The following STEAP1B variants were observed in gnomAD, a reference collection of about 807,000 sequenced individuals.
STEAP1B encodes STEAP family protein MGC87042.
A neutral mutation model predicts 27.9 loss-of-function variants in STEAP1B; 13 were observed. The ratio of observed to expected loss-of-function variants is 0.47; its 90% CI spans 0.30 to 0.74. The LOEUF (loss-of-function observed/expected upper bound fraction) is 0.74, where lower values mean the gene tolerates loss of function less well. Among genes scored for constraint, STEAP1B ranks in the 30% least tolerant of loss-of-function variants. The pLI is 0.06. For synonymous variants in STEAP1B, 86 were observed against 107.1 expected (o/e 0.80, Z 1.22); for missense variants, 250 against 298.7 (o/e 0.84, Z 1.20).
chr7:22,430,669 A>G (rs1461356647), intron 4 of STEAP1B, among the ~76,000 whole-genome samples: 1 of 152,166 alleles, frequency 6.6e-6, no homozygotes, highest in Non-Finnish European at 1.5e-5. Flanking sequence ...ACACAGCCCC[A>G]TGGTTTTACC....
intron 4 of STEAP1B, among the ~76,000 whole-genome samples, chr7:22,446,236 T>A (rs1785407514): frequency 6.6e-6 from 1 of 152,202 alleles, no homozygotes; most frequent in African/African-American, 2.4e-5. Flanking sequence ...AGATCCCCGG[T>A]CCCTACCCTC....
At chr7:22,483,044 G>C (rs1235253138) in intron 4 of STEAP1B, among the ~76,000 whole-genome samples, 4 of 152,178 alleles carry the variant, frequency 2.6e-5, no homozygotes, top group East Asian at 3.8e-4. Flanking sequence ...GTATTTCTGA[G>C]AGCTGGATGG....
In STEAP1B at chr7:22,493,514, G is replaced by C. The variant is rs781197565; in HGVS notation, c.407C>G (p.Ala136Gly). 4.6e-5 allele frequency: 75 copies of C among 1,613,702 alleles called. No homozygotes were observed. Among genetic ancestry groups the C allele is most frequent in the Non-Finnish European group, 6.2e-5 (73 of 1,179,814 alleles). The change falls in exon 3 of 5, where the codon GCA becomes GGA. Residue 136 changes from alanine to glycine, a missense_variant. Coordinates refer to ENST00000678116, the MANE Select transcript of STEAP1B (RefSeq NM_001382447.1). ...TCCATTATGAACTTGGACAATTGCTGCTATCACACCTGGTAGGTAAACCAA... is the reference window on the plus strand; with the variant it reads ...TCCATTATGAACTTGGACAATTGCTCCTATCACACCTGGTAGGTAAACCAA... ...LALVYLPGVI[A>G]AIVQVHNGTK...
At chr7:22,488,228 G>A (rs1786250260) in intron 4 of STEAP1B, among the ~76,000 whole-genome samples, 2 of 152,200 alleles carry the variant, frequency 1.3e-5, no homozygotes, top group South Asian at 4.1e-4. Flanking sequence ...GGCACATGCT[G>A]TTTCCTCTTC....
intron 4 of STEAP1B, among the ~76,000 whole-genome samples, chr7:22,487,789 G>C (rs1248533889): frequency 1.1e-5 from 1 of 89,124 alleles, no homozygotes; most frequent in Non-Finnish European, 2.1e-5. Flanking sequence ...TAGGCAACAA[G>C]AGCAAAACTC....
intron 4 of STEAP1B, among the ~76,000 whole-genome samples, chr7:22,466,064 C>T (rs1785774802): frequency 1.3e-5 from 2 of 152,206 alleles, no homozygotes; most frequent in Non-Finnish European, 2.9e-5. Flanking sequence ...CAGGCTCATT[C>T]TCAGGGTATG....
At chr7:22,482,649 T>A (rs918188423) in intron 4 of STEAP1B, among the ~76,000 whole-genome samples, 3 of 152,220 alleles carry the variant, frequency 2.0e-5, no homozygotes, top group African/African-American at 7.2e-5. Context: ...GGGAGGCAGA[T>A]GCTGTTCATG....
intron 4 of STEAP1B, among the ~76,000 whole-genome samples, chr7:22,460,243 A>C (rs1208351679): frequency 1.3e-5 from 2 of 150,944 alleles, no homozygotes; most frequent in Non-Finnish European, 2.9e-5. Flanking sequence ...TGGGAGGATC[A>C]CTTGAGCCTG....
chr7:22,475,977 T>G (rs73085103), intron 4 of STEAP1B, among the ~76,000 whole-genome samples: 17,092 of 152,192 alleles, frequency 0.11, 1,099 homozygotes, highest in Non-Finnish European at 0.15. Flanking sequence ...CGGTAAAACC[T>G]CCTGTCTCAT....
At chr7:22,442,739 G>C (rs1258996916) in intron 4 of STEAP1B, among the ~76,000 whole-genome samples, 2 of 152,224 alleles carry the variant, frequency 1.3e-5, no homozygotes, top group Non-Finnish European at 2.9e-5. Flanking sequence ...CATTGAGAAA[G>C]GGGTTAAAAA....
At chr7:22,499,716 C>T (rs746981636) in intron 1 of STEAP1B, among the ~76,000 whole-genome samples, 10 of 152,326 alleles carry the variant, frequency 6.6e-5, no homozygotes, top group African/African-American at 2.4e-4. Flanking sequence ...AGAAGTAGCA[C>T]GATTTTAAGT....
At chr7:22,420,045 G>A (rs1034831) in intron 4 of STEAP1B, among the ~76,000 whole-genome samples, 68,024 of 151,874 alleles carry the variant, frequency 0.45, 15,339 homozygotes, top group Middle Eastern at 0.58. Flanking sequence ...TTCTCCCTGA[G>A]ATATCTAAAG....
At chr7:22,441,773 A>G (rs1353020967) in intron 4 of STEAP1B, among the ~76,000 whole-genome samples, 3 of 152,256 alleles carry the variant, frequency 2.0e-5, no homozygotes, top group Non-Finnish European at 2.9e-5. Context: ...ATCTATAACC[A>G]GACGTACTCT....
intron 4 of STEAP1B, among the ~76,000 whole-genome samples, chr7:22,454,531 T>C (rs1404295986): frequency 1.3e-5 from 2 of 152,082 alleles, no homozygotes; most frequent in African/African-American, 4.8e-5. Context: ...TATAAGCCAC[T>C]GGATGCTGCT....
chr7:22,432,163 G>A (rs117883018), intron 4 of STEAP1B, among the ~76,000 whole-genome samples: 111 of 152,196 alleles, frequency 7.3e-4, no homozygotes, highest in Non-Finnish European at 1.2e-3. Flanking sequence ...GAAGATGGCT[G>A]TCTATGAGAA....
rs995815582 is a variant in STEAP1B at position 22,440,248 on chromosome 7, T to G, written c.763-20412A>C. Among the ~76,000 whole-genome samples, 5 of 152,182 alleles carry G rather than the reference T, an allele frequency of 3.3e-5. No individual in the cohort carries two copies. The East Asian group carries it at 9.6e-4, about 29-fold the overall frequency. Reference sequence around the variant, plus strand: ...CAGAGGTATATGCTACCTTGACTTGTGGGAAGGATCTTTTGATGAAGTTTC... The same window carrying G: ...CAGAGGTATATGCTACCTTGACTTGGGGGAAGGATCTTTTGATGAAGTTTC... On this transcript the variant is annotated intron_variant, in intron 4 of 4. Transcript: ENST00000678116.
At chr7:22,439,707 G>T (rs1785303120) in intron 4 of STEAP1B, among the ~76,000 whole-genome samples, 1 of 152,114 alleles carries the variant, frequency 6.6e-6, no homozygotes, top group Non-Finnish European at 1.5e-5. Context: ...ATTCATAAAT[G>T]TGTCCAATCC....
At chr7:22,460,648 CTGCAGAAAGGTCA>C (rs1445663069) in intron 4 of STEAP1B, among the ~76,000 whole-genome samples, 1 of 152,132 alleles carries the variant, frequency 6.6e-6, no homozygotes, top group Non-Finnish European at 1.5e-5. Context: ...TTTGAGACCA[CTGCAGAAAGGTCA>C]TTGCTACACC....
At chr7:22,496,847 G>C (rs530640734) in intron 1 of STEAP1B, among the ~76,000 whole-genome samples, 3 of 152,272 alleles carry the variant, frequency 2.0e-5, no homozygotes, top group African/African-American at 7.2e-5. Flanking sequence ...CATTCTCCAA[G>C]TTTTAAAGGT....
Sources: allele counts gnomAD v4.1 joint callset (sites outside exome capture counted in the v4.1 genomes callset), GRCh38; gene constraint gnomAD v4.1.1; transcripts MANE v1.5; gene names NCBI Gene and HGNC (gene_info 2026-07-23, HGNC 2026-07-21).